Variants in TMEM163 observed in about 807,000 individuals in gnomAD.
TMEM163 encodes the protein transmembrane protein 163.
A neutral mutation model predicts 29.3 loss-of-function variants in TMEM163; 17 were observed. The observed-to-expected ratio is 0.58, with a 90% CI of 0.40 to 0.87. The LOEUF (loss-of-function observed/expected upper bound fraction) is 0.87, where lower values mean the gene tolerates loss of function less well. Among genes scored for constraint, TMEM163 ranks in the 40% least tolerant of loss-of-function variants. The pLI is 0.00. For missense variants in TMEM163, 303 were observed against 381.5 expected (o/e 0.79, Z 1.71); for synonymous variants, 157 against 160.6 (o/e 0.98, Z 0.17).
At chr2:134,715,561 C>T (rs542198612) in intron 1 of TMEM163, among the ~76,000 whole-genome samples, 1 of 148,998 alleles carries the variant, frequency 6.7e-6, no homozygotes, top group South Asian at 2.1e-4. Context: ...ATTTTCCTTT[C>T]TAAAAATATA....
intron 2 of TMEM163, among the ~76,000 whole-genome samples, chr2:134,678,343 C>A (rs1684159613): frequency 6.6e-6 from 1 of 152,204 alleles, no homozygotes; most frequent in Non-Finnish European, 1.5e-5. Context: ...TGGCAGTACG[C>A]CCTGTCTCAT....
Position 134,487,476 on chromosome 2 carries a change from T to C in TMEM163, c.555+15425A>G, listed in dbSNP as rs187130356. Among the ~76,000 whole-genome samples the C allele has an allele frequency of 5.3e-5, 8 of 152,342 alleles. No homozygotes were observed. In the East Asian group the frequency reaches 1.2e-3, roughly 22 times the overall value. Reference sequence around the variant, plus strand: ...TGCAATTGTTAAAGCAAGCCAATTCTCTCAGAATTAATAAATTCGATGCAA... The same window carrying C: ...TGCAATTGTTAAAGCAAGCCAATTCCCTCAGAATTAATAAATTCGATGCAA... On this transcript the variant is annotated intron_variant, in intron 5 of 7. Transcript: ENST00000281924.
chr2:134,496,860 A>T (rs1375162484), intron 5 of TMEM163, among the ~76,000 whole-genome samples: 2 of 152,002 alleles, frequency 1.3e-5, no homozygotes, highest in African/African-American at 2.4e-5. Flanking sequence ...CCTTCTACCC[A>T]GAGACTTCCA....
chr2:134,683,762 A>T (rs938674450), intron 2 of TMEM163, among the ~76,000 whole-genome samples: 1 of 152,220 alleles, frequency 6.6e-6, no homozygotes, highest in African/African-American at 2.4e-5. Context: ...CTATGAAAAC[A>T]AATATGGCCA....
intron 2 of TMEM163, among the ~76,000 whole-genome samples, chr2:134,586,241 A>G (rs1450708684): frequency 6.6e-6 from 1 of 152,236 alleles, no homozygotes; most frequent in Non-Finnish European, 1.5e-5. Flanking sequence ...AAAACAAAGT[A>G]ACACAAACTA....
At chr2:134,497,731 G>C (rs1574179184) in intron 5 of TMEM163, among the ~76,000 whole-genome samples, 1 of 152,314 alleles carries the variant, frequency 6.6e-6, no homozygotes, top group East Asian at 1.9e-4. Flanking sequence ...CAGAGAGGAA[G>C]CGTGATTTGC....
At chr2:134,550,982 A>C (rs1262341126) in intron 3 of TMEM163, among the ~76,000 whole-genome samples, 1 of 152,184 alleles carries the variant, frequency 6.6e-6, no homozygotes, top group Non-Finnish European at 1.5e-5. Flanking sequence ...AGATAATTGC[A>C]GTAGTTTCCT....
At chr2:134,651,395 GT>G (rs1683476325) in intron 2 of TMEM163, among the ~76,000 whole-genome samples, 1 of 134,850 alleles carries the variant, frequency 7.4e-6, no homozygotes, top group East Asian at 2.0e-4. Context: ...GGGGTTGTTT[GT>G]TTTTTTCTTG....
chr2:134,635,274 G>T lies in TMEM163; in HGVS notation c.322+77926C>A, dbSNP rs116561654. Reference sequence around the variant, plus strand: ...CCTTATTTCCTGGTGACAGGGACTTGTTCCCAATGCTCAGTAGACGGCTCT... The same window carrying T: ...CCTTATTTCCTGGTGACAGGGACTTTTTCCCAATGCTCAGTAGACGGCTCT... On this transcript the variant is annotated intron_variant, in intron 2 of 7. Coordinates refer to ENST00000281924, the MANE Select transcript of TMEM163 (RefSeq NM_030923.5). Among the ~76,000 whole-genome samples, 756 of 152,312 alleles carry T rather than the reference G, an allele frequency of 5.0e-3. 10 individuals carry two copies. The highest frequency in any genetic ancestry group is 0.017 in the African/African-American group (722 of 41,566).
chr2:134,540,746 AAC>A (rs1670681496), intron 4 of TMEM163, among the ~76,000 whole-genome samples: 1 of 152,218 alleles, frequency 6.6e-6, no homozygotes, highest in African/African-American at 2.4e-5. Flanking sequence ...ACCTCTACTT[AAC>A]AGAGTCCAGC....
chr2:134,677,579 T>C (rs1684143846), intron 2 of TMEM163, among the ~76,000 whole-genome samples: 1 of 152,186 alleles, frequency 6.6e-6, no homozygotes, highest in Admixed American at 6.5e-5. Flanking sequence ...AGTCTTTTTG[T>C]AATAAAGTCA....
intron 2 of TMEM163, among the ~76,000 whole-genome samples, chr2:134,611,934 T>C (rs1284134883): frequency 6.6e-6 from 1 of 152,190 alleles, no homozygotes; most frequent in Non-Finnish European, 1.5e-5. Flanking sequence ...AACCAGGAGT[T>C]TGCGTGAAAA....
chr2:134,532,013 T>C (rs1240453209), intron 4 of TMEM163, among the ~76,000 whole-genome samples: 6 of 152,216 alleles, frequency 3.9e-5, no homozygotes, highest in Non-Finnish European at 8.8e-5. Flanking sequence ...CTAAGAATTT[T>C]AGGAGTTGTT....
At chr2:134,465,168 A>C (rs1462990547) in intron 6 of TMEM163, among the ~76,000 whole-genome samples, 1 of 148,300 alleles carries the variant, frequency 6.7e-6, no homozygotes, top group Non-Finnish European at 1.5e-5. Flanking sequence ...CCTGGGCAAC[A>C]ACATGGTGAG....
chr2:134,596,736 T>C (rs1184528565), intron 2 of TMEM163, among the ~76,000 whole-genome samples: 4 of 152,194 alleles, frequency 2.6e-5, no homozygotes, highest in African/African-American at 9.7e-5. Flanking sequence ...TGATTCTTCC[T>C]ATCCATGAGC....
rs146676695 is a variant in TMEM163, at chr2:134,537,225, G to A, written c.458+13345C>T. Among the ~76,000 whole-genome samples the A allele has an allele frequency of 5.4e-3, 815 of 152,238 alleles. 8 individuals carry two copies. Among genetic ancestry groups the A allele is most frequent in the African/African-American group, 0.018 (733 of 41,526 alleles). ...AGGATCCCTATGTGGGTCTACCTGCGGGAGAAAAAGGGAAGAAACCACATG... is the reference window on the plus strand; with the variant it reads ...AGGATCCCTATGTGGGTCTACCTGCAGGAGAAAAAGGGAAGAAACCACATG... On this transcript the variant is annotated intron_variant, in intron 4 of 7. Coordinates refer to ENST00000281924, the MANE Select transcript of TMEM163 (RefSeq NM_030923.5).
chr2:134,716,971 G>C (rs1038735014), intron 1 of TMEM163, among the ~76,000 whole-genome samples: 1 of 152,190 alleles, frequency 6.6e-6, no homozygotes, highest in Admixed American at 6.5e-5. Context: ...CTCTCAAACA[G>C]TGACAGTTTA....
At chr2:134,535,126 T>C (rs1490185705) in intron 4 of TMEM163, among the ~76,000 whole-genome samples, 1 of 152,240 alleles carries the variant, frequency 6.6e-6, no homozygotes, top group Non-Finnish European at 1.5e-5. Flanking sequence ...AACATGGTTT[T>C]TCCATAATCT....
At chr2:134,511,615 GT>G (rs1427576370) in intron 4 of TMEM163, among the ~76,000 whole-genome samples, 1 of 152,210 alleles carries the variant, frequency 6.6e-6, no homozygotes, top group Non-Finnish European at 1.5e-5. Context: ...GGGAACACGG[GT>G]CCTACAGGCT....
Sources: gnomAD v4.1 joint callset for allele counts (sites outside exome capture counted in the v4.1 genomes callset) on GRCh38, gnomAD v4.1.1 for gene constraint, MANE v1.5 for transcripts, NCBI Gene and HGNC (gene_info 2026-07-23, HGNC 2026-07-21) for gene names.